The following ATG14 variants were observed in gnomAD, a reference collection of about 807,000 sequenced individuals.
ATG14 encodes the protein autophagy related 14.
In ATG14, 35 loss-of-function variants were observed where a neutral mutation model predicts 60.4. That is an observed-to-expected ratio of 0.58 (90% confidence interval 0.44 to 0.77). The LOEUF (loss-of-function observed/expected upper bound fraction) is 0.77, where lower values mean the gene tolerates loss of function less well. Ranked by LOEUF, ATG14 falls within the 30% of genes least tolerant of loss-of-function variation. The probability of loss-of-function intolerance (pLI) is 0.00; values close to 1 mark genes in which losing one functional copy is unlikely to be tolerated. For missense variants in ATG14, 647 were observed against 626.3 expected (o/e 1.03, Z -0.35); for synonymous variants, 234 against 228.8 (o/e 1.02, Z -0.21).
chr14:55,386,505 G>C (rs1366000981), intron 4 of ATG14, among the ~76,000 whole-genome samples: 1 of 152,188 alleles, frequency 6.6e-6, no homozygotes, highest in Non-Finnish European at 1.5e-5. Context: ...TGTGCCTTGG[G>C]CTATAATCAG....
At chr14:55,411,000 A>T (rs1163431362) in intron 1 of ATG14, among the ~76,000 whole-genome samples, 3 of 152,230 alleles carry the variant, frequency 2.0e-5, no homozygotes, top group Admixed American at 2.0e-4. Flanking sequence ...TCCCAATCTG[A>T]ATTTTAAAAC....
intron 1 of ATG14, among the ~76,000 whole-genome samples, chr14:55,401,244 C>A (rs1885393301): frequency 6.6e-6 from 1 of 151,036 alleles, no homozygotes; most frequent in Non-Finnish European, 1.5e-5. Context: ...TTCCCTATGT[C>A]CTTCATCCAA....
Position 55,380,662 on chromosome 14 carries a change from GGT to G in ATG14, c.904_905del (p.Thr302HisfsTer20). The G allele has an allele frequency of 6.2e-7, 1 of 1,608,746 alleles. No individual in the cohort carries two copies. Among genetic ancestry groups the G allele is most frequent in the Non-Finnish European group, 8.5e-7 (1 of 1,177,446 alleles). ...TTGCATAGCACAGCGCAGCACTGATGGTGTAGGCAGGGTTACTCTGCTCCATG... is the reference window on the plus strand; with the variant it reads ...TTGCATAGCACAGCGCAGCACTGATGGTAGGCAGGGTTACTCTGCTCCATG... The part of the protein sequence containing the change: ...PDMEQSNPAY[T>X]ISAALCYATQ... On this transcript the variant is annotated frameshift_variant, in exon 7 of 10. Transcript: ENST00000247178. LOFTEE classifies it high-confidence loss of function.
chr14:55,371,256 C>G (rs1479013340), intron 9 of ATG14, among the ~76,000 whole-genome samples: 1 of 152,034 alleles, frequency 6.6e-6, no homozygotes, highest in African/African-American at 2.4e-5. Context: ...CCTATGGTCC[C>G]AAATTCTCCA....
chr14:55,393,116 T>C (rs1299779707), intron 3 of ATG14, among the ~76,000 whole-genome samples: 10 of 152,218 alleles, frequency 6.6e-5, no homozygotes, highest in Admixed American at 2.0e-4. Context: ...GCGCGGTGGC[T>C]CACGCCTGTA....
At chr14:55,378,175 C>A in intron 7 of ATG14, 101 bp from the exon 8 acceptor site, 2 of 889,314 alleles carry the variant, frequency 2.2e-6, no homozygotes, top group South Asian at 1.6e-5. Flanking sequence ...ATACTCTGTG[C>A]CCTTTTACTC....
chr14:55,372,188 C>G (rs544107451), intron 9 of ATG14, among the ~76,000 whole-genome samples: 1 of 152,188 alleles, frequency 6.6e-6, no homozygotes, highest in East Asian at 1.9e-4. Flanking sequence ...CCTCCCACCT[C>G]CCACTCTGTC....
chr14:55,402,926 A>AAATATATATAT (rs1566585634), intron 1 of ATG14, among the ~76,000 whole-genome samples: 1 of 16,398 alleles, frequency 6.1e-5, no homozygotes, highest in Non-Finnish European at 1.1e-4. Flanking sequence ...AAAAAAAAAA[A>AAATATATATAT]ATATATATAT....
chr14:55,380,789 T>G, intron 6 of ATG14, 99 bp from the exon 7 acceptor site: 3 of 709,052 alleles, frequency 4.2e-6, no homozygotes, highest in Non-Finnish European at 4.5e-6. Flanking sequence ...ATGATAGCAC[T>G]GTTACGTTTT....
intron 1 of ATG14, among the ~76,000 whole-genome samples, chr14:55,399,244 C>T (rs1885361825): frequency 6.6e-6 from 1 of 152,082 alleles, no homozygotes; most frequent in African/African-American, 2.4e-5. Context: ...GAATTATATA[C>T]TTATAATGTG....
chr14:55,386,179 G>A, intron 4 of ATG14, 83 bp from the exon 5 acceptor site: 1 of 1,180,670 alleles, frequency 8.5e-7, no homozygotes, highest in Admixed American at 2.3e-5. Context: ...AAACATGCGT[G>A]TTTTCCCTTG....
rs1885118982 is a variant in ATG14, at chr14:55,385,947, A to G, written c.559T>C (p.Tyr187His). Residue 187 changes from tyrosine to histidine, a missense_variant, in exon 5 of 10, where the codon TAT (tyrosine) becomes CAT (histidine). Physicochemically the swap from Tyr to His is moderately conservative, Grantham distance 83. Transcript: ENST00000247178. ...EKKTIDLRSH[Y>H]ERLANLRRSH... ...CGTCGAAGATTTGCCAGACGCTCATAATGACTTCTTAAGTCAATGGTCTTT... is the reference window on the plus strand; with the variant it reads ...CGTCGAAGATTTGCCAGACGCTCATGATGACTTCTTAAGTCAATGGTCTTT... 1 of 1,614,032 alleles carries G rather than the reference A, an allele frequency of 6.2e-7. No individual in the cohort carries two copies. Among genetic ancestry groups the G allele is most frequent in the Non-Finnish European group, 8.5e-7 (1 of 1,180,030 alleles).
At chr14:55,397,943 CTTTTTTT>C (rs928087584) in intron 1 of ATG14, among the ~76,000 whole-genome samples, 5 of 105,560 alleles carry the variant, frequency 4.7e-5, no homozygotes, top group South Asian at 3.3e-4. Flanking sequence ...TGCAGTAATT[CTTTTTTT>C]TTTTTTTTTT....
chr14:55,378,470 C>T (rs368045177), intron 7 of ATG14, among the ~76,000 whole-genome samples: 2 of 152,196 alleles, frequency 1.3e-5, no homozygotes, highest in Admixed American at 1.3e-4. Context: ...AGGCTTATAA[C>T]GGCCCTATGA....
Position 55,383,326 on chromosome 14 carries a change from A to G in ATG14, c.648-1135T>C, listed in dbSNP as rs918908131. Among the ~76,000 whole-genome samples, 8 of 152,006 alleles carry G rather than the reference A, an allele frequency of 5.3e-5. No homozygotes were observed. The East Asian group carries it at 1.5e-3, about 29-fold the overall frequency. On this transcript the variant is annotated intron_variant, in intron 5 of 9. Transcript: ENST00000247178. ...AGCACTTTGGAAGGCTGAGGCAGGC[A>G]GATCACTTGAGGTCAGGAATTCGAG...
intron 4 of ATG14, among the ~76,000 whole-genome samples, chr14:55,388,680 C>T (rs1250515607): frequency 6.6e-6 from 1 of 152,218 alleles, no homozygotes; most frequent in East Asian, 1.9e-4. Flanking sequence ...GACTACATGT[C>T]ATAATTCAAC....
intron 7 of ATG14, 90 bp downstream of exon 7, chr14:55,380,483 C>A: frequency 1.2e-6 from 1 of 834,988 alleles, no homozygotes; most frequent in Admixed American, 2.3e-5. Context: ...TACTTACATT[C>A]TTATTTTTGG....
chr14:55,405,139 T>C (rs544567830), intron 1 of ATG14, among the ~76,000 whole-genome samples: 28 of 152,318 alleles, frequency 1.8e-4, no homozygotes, highest in African/African-American at 6.7e-4. Flanking sequence ...TGATGAACTC[T>C]TGTCTACCTG....
chr14:55,371,885 G>C (rs538232237), intron 9 of ATG14, among the ~76,000 whole-genome samples: 1 of 152,292 alleles, frequency 6.6e-6, no homozygotes, highest in Non-Finnish European at 1.5e-5. Context: ...CCAGAAGTCA[G>C]TATTTTGCAA....
Sources: allele counts gnomAD v4.1 joint callset (sites outside exome capture counted in the v4.1 genomes callset), GRCh38; gene constraint gnomAD v4.1.1; transcripts MANE v1.5; gene names NCBI Gene and HGNC (gene_info 2026-07-23, HGNC 2026-07-21).